CCSER2: variants seen among roughly 807,000 people sequenced by gnomAD.
CCSER2 encodes the protein serine-rich coiled-coil domain-containing protein 2.
CCSER2 carries 46 observed loss-of-function variants against 92.3 expected under a neutral mutation model. The ratio of observed to expected loss-of-function variants is 0.50; its 90% confidence interval spans 0.39 to 0.64. The LOEUF (loss-of-function observed/expected upper bound fraction) is 0.64. Ranked by LOEUF, CCSER2 falls within the 30% of genes least tolerant of loss-of-function variation. The pLI, the probability that CCSER2 is intolerant of heterozygous loss-of-function variation, is 0.00. For synonymous variants in CCSER2, 433 were observed against 431.4 expected, an observed-to-expected ratio of 1.00 and a Z score of -0.04; for missense variants, 1,244 against 1,238.9, an observed-to-expected ratio of 1.00 and a Z score of -0.06.
At chr10:84,481,612 A>C (rs1407988654) in intron 9 of CCSER2, among the ~76,000 whole-genome samples, 1 of 152,122 alleles carries the variant, frequency 6.6e-6, no homozygotes, top group African/African-American at 2.4e-5. Context: ...AGGGCAAGAC[A>C]AAGGTTTCTA....
chr10:84,367,432 A>G (rs564232479), intron 1 of CCSER2, among the ~76,000 whole-genome samples: 308 of 150,892 alleles, frequency 2.0e-3, no homozygotes, highest in Non-Finnish European at 3.6e-3. Context: ...GCTGGAGCGC[A>G]GTGGCTTGAT....
chr10:84,475,473 T>C (rs1847084146), intron 8 of CCSER2, among the ~76,000 whole-genome samples: 2 of 152,202 alleles, frequency 1.3e-5, no homozygotes, highest in Admixed American at 1.3e-4. Flanking sequence ...AAATAAATCA[T>C]AGACAGTCTG....
intron 1 of CCSER2, among the ~76,000 whole-genome samples, chr10:84,356,758 G>A (rs932549623): frequency 6.6e-6 from 1 of 152,094 alleles, no homozygotes; most frequent in Admixed American, 6.6e-5. Context: ...TTTTACTTAC[G>A]TAAACAGGAA....
chr10:84,357,542 C>T (rs577424538), intron 1 of CCSER2, among the ~76,000 whole-genome samples: 2 of 148,284 alleles, frequency 1.3e-5, no homozygotes, highest in East Asian at 2.0e-4. Flanking sequence ...CTCTGCCTCC[C>T]GGGCTCACGC....
intron 9 of CCSER2, among the ~76,000 whole-genome samples, chr10:84,502,048 A>G (rs900012045): frequency 1.3e-5 from 2 of 149,560 alleles, no homozygotes; most frequent in Non-Finnish European, 3.0e-5. Context: ...GAGGGGAAAT[A>G]TGCTCTAAAC....
intron 1 of CCSER2, among the ~76,000 whole-genome samples, chr10:84,356,224 G>A (rs903646439): frequency 1.3e-5 from 2 of 151,862 alleles, no homozygotes; most frequent in Admixed American, 1.3e-4. Context: ...TGAGATATTT[G>A]ATGGTTATTA....
At chr10:84,500,338 G>A (rs1848659385) in intron 9 of CCSER2, among the ~76,000 whole-genome samples, 1 of 152,164 alleles carries the variant, frequency 6.6e-6, no homozygotes, top group African/African-American at 2.4e-5. Context: ...ATGGTATGAT[G>A]GACAGATGCA....
intron 1 of CCSER2, 148 bp downstream of exon 1, chr10:84,328,956 G>T (rs977842668): frequency 6.6e-6 from 1 of 151,882 alleles, no homozygotes; most frequent in Non-Finnish European, 1.5e-5. Context: ...GGCCTCCAGG[G>T]TGAGCCTCTC....
chr10:84,341,683 T>G (rs576550957), intron 1 of CCSER2, among the ~76,000 whole-genome samples: 53 of 152,240 alleles, frequency 3.5e-4, no homozygotes, highest in Non-Finnish European at 5.9e-4. Context: ...CCCCCACCAC[T>G]TCAGATGCAT....
At chr10:84,423,068 A>G (rs1281035463) in intron 4 of CCSER2, among the ~76,000 whole-genome samples, 1 of 152,090 alleles carries the variant, frequency 6.6e-6, no homozygotes, top group Non-Finnish European at 1.5e-5. Context: ...AAAAAAAAAA[A>G]AATTGTCTCT....
chr10:84,474,597 G>C (rs1371753437), intron 8 of CCSER2, among the ~76,000 whole-genome samples: 3 of 148,390 alleles, frequency 2.0e-5, no homozygotes, highest in African/African-American at 7.5e-5. Flanking sequence ...TGAGGCCGAG[G>C]TTGCAGTGAG....
chr10:84,375,459 A>G lies in CCSER2; in HGVS notation c.1614+1644A>G, dbSNP rs772629868. ...CTCGTACAGTGATGTAGGATTTACCATTTTTGCTCTGAAGTTACGTGAATT... is the reference window on the plus strand; with the variant it reads ...CTCGTACAGTGATGTAGGATTTACCGTTTTTGCTCTGAAGTTACGTGAATT... On this transcript the variant is annotated intron_variant, in intron 3 of 9. Coordinates refer to ENST00000372088, the MANE Select transcript of CCSER2 (RefSeq NM_001284240.2). Among the ~76,000 whole-genome samples the G allele has an allele frequency of 1.1e-4, 16 of 150,598 alleles. No individual in the cohort carries two copies. In the South Asian group the frequency reaches 1.3e-3, roughly 12 times the overall value.
At chr10:84,446,797 A>G (rs1844945681) in intron 6 of CCSER2, among the ~76,000 whole-genome samples, 1 of 151,640 alleles carries the variant, frequency 6.6e-6, no homozygotes, top group South Asian at 2.1e-4. Flanking sequence ...CATTTTTACC[A>G]TCTGTGTTTG....
chr10:84,415,114 GT>G (rs1271750833), intron 3 of CCSER2, among the ~76,000 whole-genome samples: 3 of 152,156 alleles, frequency 2.0e-5, no homozygotes. Flanking sequence ...AGCGAAGTTT[GT>G]TGTTAACTCA....
At chr10:84,330,729 A>T (rs1007085663) in intron 1 of CCSER2, among the ~76,000 whole-genome samples, 2 of 152,194 alleles carry the variant, frequency 1.3e-5, no homozygotes, top group South Asian at 4.2e-4. Context: ...ACTGGTCTCA[A>T]ACTCCTGACC....
intron 1 of CCSER2, among the ~76,000 whole-genome samples, chr10:84,365,568 A>G (rs141611892): frequency 6.6e-6 from 1 of 152,222 alleles, no homozygotes; most frequent in Non-Finnish European, 1.5e-5. Flanking sequence ...GTTATTCTTC[A>G]TAGAGAATAG....
At chr10:84,342,692 C>CT (rs199589766) in intron 1 of CCSER2, among the ~76,000 whole-genome samples, 20 of 151,446 alleles carry the variant, frequency 1.3e-4, no homozygotes, top group Admixed American at 3.3e-4. Flanking sequence ...TTCACACATT[C>CT]TTTTTTTTTG....
At chr10:84,479,070 G>A (rs1847313882) in intron 9 of CCSER2, among the ~76,000 whole-genome samples, 1 of 152,104 alleles carries the variant, frequency 6.6e-6, no homozygotes, top group Admixed American at 6.6e-5. Context: ...AGCATGATAA[G>A]TTCCATTTTG....
Position 84,371,231 on chromosome 10 carries a change from C to T in CCSER2, c.179C>T (p.Ser60Leu), listed in dbSNP as rs866882616. Residue 60 changes from serine (S) to leucine (L), a missense_variant, in exon 2 of 10, where the codon TCA becomes TTA. Physicochemically the swap from Ser to Leu is moderately radical, Grantham distance 145. Coordinates refer to ENST00000372088, the MANE Select transcript of CCSER2 (RefSeq NM_001284240.2). Reference sequence around the variant, plus strand: ...AAAAATAATGGCTCTGATTGTCCATCATCTCATTCATTTAATTGGAGGAAA... The same window carrying T: ...AAAAATAATGGCTCTGATTGTCCATTATCTCATTCATTTAATTGGAGGAAA... ...YIKNNGSDCP[S>L]SHSFNWRKAN... The T allele has an allele frequency of 2.5e-6, 4 of 1,613,226 alleles. No homozygotes were observed. The highest frequency in any genetic ancestry group is 3.4e-6 in the Non-Finnish European group (4 of 1,179,610).
Sources: allele counts gnomAD v4.1 joint callset (sites outside exome capture counted in the v4.1 genomes callset), GRCh38; gene constraint gnomAD v4.1.1; transcripts MANE v1.5; gene names NCBI Gene and HGNC (gene_info 2026-07-23, HGNC 2026-07-21).